ABCB5: variants seen among roughly 807,000 people sequenced by gnomAD.
ABCB5 encodes ATP binding cassette subfamily B member 5.
ABCB5 carries 155 observed loss-of-function variants against 144.2 expected under a neutral mutation model. The observed-to-expected ratio is 1.08, with a 90% CI of 0.94 to 1.23. ABCB5 has a LOEUF of 1.23. ABCB5 is among the 50% of genes most tolerant of loss of function. The probability of loss-of-function intolerance (pLI) is 0.00; values close to 1 mark genes in which losing one functional copy is unlikely to be tolerated. For missense variants in ABCB5, 1,830 were observed against 1,520.8 expected (o/e 1.20, Z -3.38); for synonymous variants, 610 against 528.6 (o/e 1.15, Z -2.11).
rs530497577 is a variant in ABCB5, at chr7:20,645,718, CAG to C, written c.679-35_679-34del. 6,286 of 1,610,846 alleles carry C rather than the reference CAG, an allele frequency of 3.9e-3. 21 individuals are homozygous for C. The highest frequency in any genetic ancestry group is 4.8e-3 in the Non-Finnish European group (5,687 of 1,178,266). ...AAATGTTCAGAACATTATTACTACACAGAGTCATTTTTTAACTGTGGTTGTGG... is the reference window on the plus strand; with the variant it reads ...AAATGTTCAGAACATTATTACTACACAGTCATTTTTTAACTGTGGTTGTGG... On this transcript the variant is annotated intron_variant, in intron 7 of 27. Transcript: ENST00000404938.
chr7:20,694,274 A>G (rs1786333787), intron 16 of ABCB5, among the ~76,000 whole-genome samples: 1 of 152,040 alleles, frequency 6.6e-6, no homozygotes, highest in Admixed American at 6.6e-5. Flanking sequence ...AGAATAATAT[A>G]TCATCACCAA....
chr7:20,669,255 G>C (rs1785369262), intron 14 of ABCB5, among the ~76,000 whole-genome samples: 2 of 144,138 alleles, frequency 1.4e-5, no homozygotes, highest in Middle Eastern at 3.7e-3. Flanking sequence ...GATGGGCCAT[G>C]ATGACAATGG....
At chr7:20,715,704 C>A (rs370557383) in intron 20 of ABCB5, among the ~76,000 whole-genome samples, 1 of 151,866 alleles carries the variant, frequency 6.6e-6, no homozygotes, top group African/African-American at 2.4e-5. Flanking sequence ...GCCACCGCAC[C>A]CAGCCTAGAG....
Position 20,756,964 on chromosome 7 carries a change from C to A in ABCB5, c.*1340C>A, listed in dbSNP as rs1376874026. The A allele has an allele frequency of 6.6e-6, 1 of 152,296 alleles. No individual in the cohort carries two copies. The highest frequency in any genetic ancestry group is 1.5e-5 in the Non-Finnish European group (1 of 68,034). 9.4% of individuals were successfully genotyped at this position (152,296 alleles called of 1,614,324 possible). A position where few individuals can be genotyped will look rare whatever the true frequency, so the allele number is the denominator to read the frequency against. ...AAATTAAAACCATTTATATATTATG[C>A]TGCTTTCTTTAAAATGCAAAATAAA... On this transcript the variant is annotated 3_prime_UTR_variant, in exon 28 of 28. Coordinates refer to ENST00000404938, the MANE Select transcript of ABCB5 (RefSeq NM_001163941.2).
chr7:20,692,112 C>T (rs749797625), intron 16 of ABCB5, among the ~76,000 whole-genome samples: 1 of 152,050 alleles, frequency 6.6e-6, no homozygotes, highest in African/African-American at 2.4e-5. Flanking sequence ...TTGATGAAAA[C>T]TTAAAATCCA....
chr7:20,752,885 A>G (rs569993725), intron 26 of ABCB5, among the ~76,000 whole-genome samples: 16 of 152,290 alleles, frequency 1.1e-4, no homozygotes, highest in Admixed American at 1.0e-3. Flanking sequence ...TTCCAGGAAG[A>G]TGCATGTACC....
chr7:20,631,997 G>A, intron 4 of ABCB5, 62 bp from the exon 5 acceptor site: 1 of 1,142,914 alleles, frequency 8.7e-7, no homozygotes. Context: ...AGGGCTATCT[G>A]TGTAACAGTG....
intron 4 of ABCB5, among the ~76,000 whole-genome samples, chr7:20,629,750 G>A (rs1017324520): frequency 2.8e-4 from 42 of 151,692 alleles, no homozygotes; most frequent in Admixed American, 1.7e-3. Flanking sequence ...CAACAAGAGC[G>A]AAACTCCATC....
intron 2 of ABCB5, among the ~76,000 whole-genome samples, chr7:20,625,828 T>C (rs1044978680): frequency 6.6e-6 from 1 of 152,058 alleles, no homozygotes; most frequent in African/African-American, 2.4e-5. Flanking sequence ...AACCAGTGAG[T>C]TGAAGAGATA....
intron 14 of ABCB5, among the ~76,000 whole-genome samples, chr7:20,673,362 T>C (rs1300156630): frequency 2.0e-5 from 3 of 152,088 alleles, no homozygotes; most frequent in Non-Finnish European, 4.4e-5. Flanking sequence ...GAAGGGTATT[T>C]AATTCTTCAA....
chr7:20,624,865 C>T (rs185645819), intron 2 of ABCB5, among the ~76,000 whole-genome samples: 1 of 152,366 alleles, frequency 6.6e-6, no homozygotes, highest in East Asian at 1.9e-4. Context: ...TCAGGCTCCG[C>T]CCTTGGCCTT....
intron 23 of ABCB5, among the ~76,000 whole-genome samples, chr7:20,729,317 T>A (rs1029127979): frequency 7.2e-5 from 11 of 152,320 alleles, no homozygotes; most frequent in South Asian, 4.1e-4. Context: ...CCTTAGGAAA[T>A]TTGTGAGACA....
intron 27 of ABCB5, among the ~76,000 whole-genome samples, chr7:20,754,653 A>C (rs1783029799): frequency 6.6e-6 from 1 of 152,182 alleles, no homozygotes. Flanking sequence ...AACAAAACAA[A>C]ATCTATGAGA....
At position 20,658,584 on chromosome 7, in the gene ABCB5, T is replaced by C; in HGVS notation, c.1615T>C (p.Leu539=). 1.9e-6 allele frequency: 3 copies of C among 1,614,198 alleles called. No homozygotes were observed. The highest frequency in any genetic ancestry group is 2.5e-6 in the Non-Finnish European group (3 of 1,180,036). The change falls in exon 14 of 28, where the codon TTA becomes CTA. Residue 539 remains leucine, a synonymous_variant. Transcript: ENST00000404938. Reference sequence around the variant, plus strand: ...ACAGAGGATCGCAATTGCTCGTGCCTTAGTTCGAAACCCCAAGATTCTGAT... The same window carrying C: ...ACAGAGGATCGCAATTGCTCGTGCCCTAGTTCGAAACCCCAAGATTCTGAT... The part of the protein sequence containing the change: ...QKQRIAIARA[L]VRNPKILILD...
At chr7:20,621,280 G>C (rs1293513447) in intron 1 of ABCB5, among the ~76,000 whole-genome samples, 3 of 152,062 alleles carry the variant, frequency 2.0e-5, no homozygotes, top group African/African-American at 7.2e-5. Context: ...TTCAGTTTGT[G>C]ATGATGAAAA....
In ABCB5 at chr7:20,755,439, G is replaced by A. The variant is rs762982261; in HGVS notation, c.3589G>A (p.Ala1197Thr). 1.9e-6 allele frequency: 3 copies of A among 1,614,194 alleles called. No homozygotes were observed. Among genetic ancestry groups the A allele is most frequent in the Non-Finnish European group, 2.5e-6 (3 of 1,180,026 alleles). Residue 1197 changes from alanine (A) to threonine (T), a missense_variant, in exon 28 of 28, where the codon GCC becomes ACC. Ala to Thr is a moderately conservative substitution (Grantham distance 58). Transcript: ENST00000404938. ...DNDSEKVVQH[A>T]LDKARTGRTC... ...TTCTCTCTTCCAGGTGGTTCAGCAT[G>A]CCCTTGATAAAGCCAGGACGGGAAG...
intron 13 of ABCB5, among the ~76,000 whole-genome samples, chr7:20,654,712 A>T (rs1583398494): frequency 6.6e-6 from 1 of 152,200 alleles, no homozygotes; most frequent in African/African-American, 2.4e-5. Context: ...ACAAAAAACA[A>T]TTCTAAAGAA....
At chr7:20,733,724 C>T (rs1277987174) in intron 23 of ABCB5, among the ~76,000 whole-genome samples, 5 of 151,834 alleles carry the variant, frequency 3.3e-5, no homozygotes, top group African/African-American at 4.8e-5. Context: ...CCGCAAACTC[C>T]GCTTCCTGGA....
chr7:20,734,500 T>C (rs1005519870), intron 23 of ABCB5, among the ~76,000 whole-genome samples: 1 of 151,174 alleles, frequency 6.6e-6, no homozygotes, highest in African/African-American at 2.4e-5. Context: ...GCATAATTTA[T>C]AGCTACAAGG....
Sources: allele counts gnomAD v4.1 joint callset (sites outside exome capture counted in the v4.1 genomes callset), GRCh38; gene constraint gnomAD v4.1.1; transcripts MANE v1.5; gene names NCBI Gene and HGNC (gene_info 2026-07-23, HGNC 2026-07-21).